ZEB2: variants seen among roughly 807,000 people sequenced by gnomAD.
ZEB2 encodes the protein zinc finger E-box-binding homeobox 2.
Under a neutral mutation model 99.9 loss-of-function variants are expected in ZEB2, and 6 were observed. The ratio of observed to expected loss-of-function variants is 0.06; its 90% confidence interval spans 0.03 to 0.12. ZEB2 has a LOEUF of 0.12. ZEB2 is among the 10% of genes least tolerant of loss of function. The pLI, the probability that ZEB2 is intolerant of heterozygous loss-of-function variation, is 1.00. For synonymous variants in ZEB2, 517 were observed against 542.5 expected, an observed-to-expected ratio of 0.95 and a Z score of 0.65; for missense variants, 969 against 1,502.8, an observed-to-expected ratio of 0.64 and a Z score of 5.87.
At chr2:144,499,928 C>A (rs1704845544) in intron 2 of ZEB2, among the ~76,000 whole-genome samples, 1 of 152,096 alleles carries the variant, frequency 6.6e-6, no homozygotes, top group Non-Finnish European at 1.5e-5. Context: ...ATGGATTGTG[C>A]CATCTATGGC....
intron 2 of ZEB2, chr2:144,512,560 C>T (rs1300413142): frequency 2.3e-6 from 3 of 1,287,154 alleles, no homozygotes; most frequent in East Asian, 1.1e-4. Context: ...TTGGTTTTAC[C>T]CTATTTGAAA....
Position 144,389,632 on chromosome 2 carries a change from T to G in ZEB2, c.3464A>C (p.Asp1155Ala). The G allele has an allele frequency of 1.2e-6, 2 of 1,614,124 alleles. No individual in the cohort carries two copies. The highest frequency in any genetic ancestry group is 1.7e-6 in the Non-Finnish European group (2 of 1,180,014). The change falls in exon 10 of 10, where the codon GAT (aspartate) becomes GCT (alanine). Residue 1155 changes from aspartate to alanine, a missense_variant. Physicochemically the swap from Asp to Ala is moderately radical, Grantham distance 126. Coordinates refer to ENST00000627532, the MANE Select transcript of ZEB2 (RefSeq NM_014795.4). The surrounding 1 kb of genome is among the most constrained non-coding windows in gnomAD (Gnocchi z 6.8). ...EDGYGKLGRQ[D>A]GDEEFEEEEE... ...TTCCTCCTCGAACTCCTCGTCGCCA[T>G]CCTGTCTGCCCAGCTTCCCGTAGCC...
At position 144,385,658 on chromosome 2, in the gene ZEB2, T is replaced by C. The variant is rs1703071722; in HGVS notation, c.*3793A>G. ...ATACACACACTTGTTTGTGTGTATATCCAGGGCCCTACAGCCCCTGAATGG... is the reference window on the plus strand; with the variant it reads ...ATACACACACTTGTTTGTGTGTATACCCAGGGCCCTACAGCCCCTGAATGG... On this transcript the variant is annotated 3_prime_UTR_variant, in exon 10 of 10. Transcript: ENST00000627532. The C allele has an allele frequency of 6.6e-6, 1 of 152,136 alleles. No homozygotes were observed. The highest frequency in any genetic ancestry group is 6.5e-5 in the Admixed American group (1 of 15,272). 9.4% of individuals were successfully genotyped at this position (152,136 alleles called of 1,614,324 possible).
intron 2 of ZEB2, among the ~76,000 whole-genome samples, chr2:144,445,265 C>CTTT (rs11287771): frequency 1.0e-3 from 76 of 74,176 alleles, no homozygotes; most frequent in African/African-American, 2.4e-3. Context: ...CTTTCCTCCT[C>CTTT]TTTTTTTTTT....
intron 2 of ZEB2, chr2:144,512,145 G>A (rs1159285719): frequency 7.8e-7 from 1 of 1,287,166 alleles, no homozygotes; most frequent in Non-Finnish European, 1.0e-6. Flanking sequence ...AAACACATTA[G>A]GGCAGACAAT....
intron 2 of ZEB2, among the ~76,000 whole-genome samples, chr2:144,508,358 C>T (rs1704980793): frequency 6.6e-6 from 1 of 152,156 alleles, no homozygotes; most frequent in South Asian, 2.1e-4. Flanking sequence ...GGAAGTAGAT[C>T]TGCGCTGTCA....
At chr2:144,481,733 T>C (rs187141138) in intron 2 of ZEB2, among the ~76,000 whole-genome samples, 1 of 152,300 alleles carries the variant, frequency 6.6e-6, no homozygotes, top group East Asian at 1.9e-4. Context: ...CTAGAGTATG[T>C]TTTGCCATAA....
chr2:144,513,312 G>A, intron 2 of ZEB2: 1 of 1,295,456 alleles, frequency 7.7e-7, no homozygotes, highest in East Asian at 5.4e-5. Flanking sequence ...AGGATCCAAA[G>A]CCCTGAGAAC....
chr2:144,515,797 TAGAGAG>T (rs10639317), intron 2 of ZEB2, among the ~76,000 whole-genome samples: 11 of 146,848 alleles, frequency 7.5e-5, no homozygotes, highest in Admixed American at 1.3e-4. Context: ...ACACAAAACC[TAGAGAG>T]AGAGAGAGAG....
intron 2 of ZEB2, chr2:144,512,888 T>C: frequency 7.8e-7 from 1 of 1,287,234 alleles, no homozygotes; most frequent in Non-Finnish European, 1.0e-6. Context: ...AACTGGTACC[T>C]GCCACACAAC....
At chr2:144,458,963 T>C (rs1480076991) in intron 2 of ZEB2, among the ~76,000 whole-genome samples, 1 of 152,176 alleles carries the variant, frequency 6.6e-6, no homozygotes, top group Admixed American at 6.5e-5. Flanking sequence ...ATTTTTTGAA[T>C]GATAGAGACC....
intron 2 of ZEB2, among the ~76,000 whole-genome samples, chr2:144,492,231 G>A (rs1240938755): frequency 6.6e-6 from 1 of 152,186 alleles, no homozygotes; most frequent in Non-Finnish European, 1.5e-5. Flanking sequence ...AGGTACTTCT[G>A]CATGCTCATT....
intron 3 of ZEB2, among the ~76,000 whole-genome samples, chr2:144,426,230 A>G (rs1573740815): frequency 6.6e-6 from 1 of 152,318 alleles, no homozygotes; most frequent in East Asian, 1.9e-4. Context: ...GACATTTTAC[A>G]TTAAACATTT....
At chr2:144,410,142 C>G (rs1573726530) in intron 4 of ZEB2, among the ~76,000 whole-genome samples, 1 of 152,202 alleles carries the variant, frequency 6.6e-6, no homozygotes, top group East Asian at 1.9e-4. Context: ...ATCTCCTGAC[C>G]TCGTGATCCA....
At chr2:144,514,870 G>C (rs771477144) in intron 2 of ZEB2, among the ~76,000 whole-genome samples, 32 of 152,214 alleles carry the variant, frequency 2.1e-4, no homozygotes, top group Admixed American at 1.0e-3. Context: ...GAATGTGGAG[G>C]CTTCTCCCAA....
intron 2 of ZEB2, among the ~76,000 whole-genome samples, chr2:144,500,867 T>C (rs955454128): frequency 6.6e-6 from 1 of 152,108 alleles, no homozygotes; most frequent in South Asian, 2.1e-4. Context: ...GCTTTGGAAA[T>C]GGAAGGATTG....
chr2:144,461,454 G>T (rs1020040127), intron 2 of ZEB2: 1 of 152,288 alleles, frequency 6.6e-6, no homozygotes, highest in East Asian at 1.9e-4. Context: ...ATCCCACAGA[G>T]TTGTCTACAT....
At chr2:144,402,862 C>T (rs1452389056) in intron 6 of ZEB2, among the ~76,000 whole-genome samples, 1 of 152,212 alleles carries the variant, frequency 6.6e-6, no homozygotes, top group Non-Finnish European at 1.5e-5. Flanking sequence ...TTTACATGAG[C>T]TGTTCTCCTA....
intron 4 of ZEB2, among the ~76,000 whole-genome samples, chr2:144,407,424 A>G (rs145624980): frequency 3.6e-3 from 551 of 152,356 alleles, no homozygotes; most frequent in Middle Eastern, 6.8e-3. Context: ...ATGCTTTCCA[A>G]TGGATACTTA....
Sources: allele counts gnomAD v4.1 joint callset (sites outside exome capture counted in the v4.1 genomes callset), GRCh38; gene constraint gnomAD v4.1.1; non-coding constraint Gnocchi (gnomAD v3.1); transcripts MANE v1.5; gene names NCBI Gene and HGNC (gene_info 2026-07-23, HGNC 2026-07-21).